Variants in ATF3 observed in about 807,000 individuals in gnomAD.
ATF3 encodes the protein cyclic AMP-dependent transcription factor ATF-3.
A neutral mutation model predicts 18.4 loss-of-function variants in ATF3; 10 were observed. The ratio of observed to expected loss-of-function variants is 0.54; its 90% CI spans 0.34 to 0.92. ATF3 has a LOEUF of 0.92. Ranked by LOEUF, ATF3 falls within the 40% of genes least tolerant of loss-of-function variation. The pLI is 0.02. For synonymous variants in ATF3, 78 were observed against 87.9 expected (o/e 0.89, Z 0.63); for missense variants, 183 against 222.3 (o/e 0.82, Z 1.12).
upstream of ATF3, among the ~76,000 whole-genome samples, chr1:212,605,102 A>G (rs936508184): frequency 6.6e-6 from 1 of 152,194 alleles, no homozygotes; most frequent in Non-Finnish European, 1.5e-5. Flanking sequence ...TAATTAATTA[A>G]TGATACCACT....
chr1:212,591,640 C>G (rs1175584880), intron 1 of ATF3, among the ~76,000 whole-genome samples: 10 of 152,112 alleles, frequency 6.6e-5, no homozygotes, highest in Admixed American at 6.5e-4. Flanking sequence ...GATAGTAAGG[C>G]ATTCTGCAGT....
chr1:212,599,391 G>A (rs573174525), intron 1 of ATF3, among the ~76,000 whole-genome samples: 2 of 152,328 alleles, frequency 1.3e-5, no homozygotes, highest in Admixed American at 1.3e-4. Flanking sequence ...TTATCAGAAA[G>A]CTAGCTGGAA....
intron 1 of ATF3, among the ~76,000 whole-genome samples, chr1:212,598,534 G>A (rs1215795677): frequency 6.6e-6 from 1 of 152,200 alleles, no homozygotes; most frequent in African/African-American, 2.4e-5. Context: ...TCACCTTGCG[G>A]TGCTATCAAT....
intron 1 of ATF3, among the ~76,000 whole-genome samples, chr1:212,580,512 AG>A (rs1664664606): frequency 6.6e-6 from 1 of 152,136 alleles, no homozygotes; most frequent in African/African-American, 2.4e-5. Flanking sequence ...ACTGTTGGCC[AG>A]GCTGGTCTCG....
chr1:212,575,970 T>G (rs931771655), intron 1 of ATF3, among the ~76,000 whole-genome samples: 5 of 152,168 alleles, frequency 3.3e-5, no homozygotes, highest in African/African-American at 1.2e-4. Context: ...CTGGCTTTAA[T>G]ATCTCAAAAA....
chr1:212,581,519 T>C (rs184982466), intron 1 of ATF3, among the ~76,000 whole-genome samples: 3 of 152,332 alleles, frequency 2.0e-5, no homozygotes, highest in Non-Finnish European at 4.4e-5. Context: ...AATGGAAGAA[T>C]GTTTTATGGA....
upstream of ATF3, among the ~76,000 whole-genome samples, chr1:212,604,498 C>A (rs762351920): frequency 1.3e-5 from 2 of 152,128 alleles, no homozygotes; most frequent in Non-Finnish European, 2.9e-5. Flanking sequence ...GGCACCTAGT[C>A]CATGGGGGTG....
At chr1:212,609,375 TGG>T (rs1192833712) in intron 1 of ATF3, among the ~76,000 whole-genome samples, 2,130 of 67,176 alleles carry the variant, frequency 0.032, 86 homozygotes, top group African/African-American at 0.1. Flanking sequence ...CCTTCCCGGG[TGG>T]GGGGGGGGGG....
intron 1 of ATF3, among the ~76,000 whole-genome samples, chr1:212,603,101 C>T (rs1311608675): frequency 6.6e-6 from 1 of 151,896 alleles, no homozygotes; most frequent in Admixed American, 6.6e-5. Flanking sequence ...CTGAGAATCA[C>T]CGCCAAACAT....
At chr1:212,581,223 C>G (rs546749359) in intron 1 of ATF3, among the ~76,000 whole-genome samples, 1 of 152,174 alleles carries the variant, frequency 6.6e-6, no homozygotes, top group South Asian at 2.1e-4. Context: ...CTGGCGCGTG[C>G]GCAGGTCTGC....
intron 1 of ATF3, among the ~76,000 whole-genome samples, chr1:212,576,712 T>C (rs1045689916): frequency 1.3e-4 from 14 of 107,694 alleles, no homozygotes; most frequent in African/African-American, 4.8e-4. Flanking sequence ...TATTCTTTTC[T>C]TTTCTTTTCT....
intron 1 of ATF3, among the ~76,000 whole-genome samples, chr1:212,602,333 G>A (rs759094570): frequency 3.8e-4 from 58 of 152,194 alleles, no homozygotes; most frequent in Non-Finnish European, 1.0e-4. Context: ...ATCTCCCCAG[G>A]TGGAGGGCAA....
intron 1 of ATF3, among the ~76,000 whole-genome samples, chr1:212,585,094 G>C (rs1292845054): frequency 6.6e-6 from 1 of 152,192 alleles, no homozygotes; most frequent in Non-Finnish European, 1.5e-5. Context: ...CGGAGGGGTG[G>C]GAGGGCCTCT....
At position 212,608,884 on chromosome 1, in the gene ATF3, C is replaced by T. The variant is rs1399021173; in HGVS notation, c.-51C>T. 1 of 152,656 alleles carries T rather than the reference C, an allele frequency of 6.6e-6. No homozygotes were observed. Among genetic ancestry groups the T allele is most frequent in the East Asian group, 1.9e-4 (1 of 5,200 alleles). 9.5% of individuals were successfully genotyped at this position (152,656 alleles called of 1,614,324 possible). ...CTCGCCCGCCGGCCAGACAAACAGCCCGCCCGACCCCGTCCCGACCCTGGC... is the reference window on the plus strand; with the variant it reads ...CTCGCCCGCCGGCCAGACAAACAGCTCGCCCGACCCCGTCCCGACCCTGGC... On this transcript the variant is annotated 5_prime_UTR_variant, in exon 1 of 4. Coordinates refer to ENST00000341491, the MANE Select transcript of ATF3 (RefSeq NM_001674.4).
At chr1:212,571,566 G>T (rs1418551113) in intron 1 of ATF3, among the ~76,000 whole-genome samples, 1 of 150,464 alleles carries the variant, frequency 6.6e-6, no homozygotes, top group East Asian at 2.0e-4. Context: ...ACCACGCCTG[G>T]CTAGTTTTTG....
intron 1 of ATF3, among the ~76,000 whole-genome samples, chr1:212,569,621 G>A (rs897346312): frequency 2.6e-5 from 4 of 151,430 alleles, no homozygotes; most frequent in Non-Finnish European, 5.9e-5. Flanking sequence ...TTTTTCACTC[G>A]AAATGTAAAC....
chr1:212,573,166 T>C (rs892663491), intron 1 of ATF3, among the ~76,000 whole-genome samples: 2 of 152,158 alleles, frequency 1.3e-5, no homozygotes, highest in Admixed American at 1.3e-4. Flanking sequence ...TTAGTAAAAA[T>C]GGCCACAAAC....
At chr1:212,600,938 A>G (rs1389299617) in intron 1 of ATF3, among the ~76,000 whole-genome samples, 1 of 152,182 alleles carries the variant, frequency 6.6e-6, no homozygotes, top group Non-Finnish European at 1.5e-5. Flanking sequence ...CTTCATGTAT[A>G]TTAATTTGCC....
intron 1 of ATF3, among the ~76,000 whole-genome samples, chr1:212,583,536 C>A (rs55682827): frequency 0.077 from 11,681 of 152,196 alleles, 566 homozygotes; most frequent in Middle Eastern, 0.18. Context: ...CTGTCACCAC[C>A]CAGGCCTACA....
Sources: allele counts gnomAD v4.1 joint callset (sites outside exome capture counted in the v4.1 genomes callset), GRCh38; gene constraint gnomAD v4.1.1; transcripts MANE v1.5; gene names NCBI Gene and HGNC (gene_info 2026-07-23, HGNC 2026-07-21).